Variants in LDLRAP1 observed in about 807,000 individuals in gnomAD.
LDLRAP1 encodes low density lipoprotein receptor adapter protein 1.
In LDLRAP1, 30 loss-of-function variants were observed where a neutral mutation model predicts 37.8. The observed-to-expected ratio is 0.79, with a 90% CI of 0.59 to 1.08. LDLRAP1 has a LOEUF of 1.08. LDLRAP1 is among the 50% of genes least tolerant of loss of function. The probability of loss-of-function intolerance (pLI) is 0.00; values close to 1 mark genes in which losing one functional copy is unlikely to be tolerated. For synonymous variants in LDLRAP1, 156 were observed against 169.8 expected, an observed-to-expected ratio of 0.92 and a Z score of 0.63; for missense variants, 375 against 401.6, an observed-to-expected ratio of 0.93 and a Z score of 0.57.
chr1:25,560,827 G>A (rs2044325701), intron 4 of LDLRAP1, among the ~76,000 whole-genome samples: 1 of 152,232 alleles, frequency 6.6e-6, no homozygotes, highest in Admixed American at 6.5e-5. Context: ...GGAGGGGTGG[G>A]CATCCCGCCT....
intron 1 of LDLRAP1, chr1:25,549,948 A>C (rs1477230042): frequency 6.6e-6 from 1 of 152,476 alleles, no homozygotes; most frequent in East Asian, 1.9e-4. Context: ...CATGGGGTAC[A>C]AGGGAGAAAC....
At chr1:25,556,484 C>G (rs2124671901) in intron 3 of LDLRAP1, among the ~76,000 whole-genome samples, 1 of 152,322 alleles carries the variant, frequency 6.6e-6, no homozygotes, top group South Asian at 2.1e-4. Context: ...TCACCCCTGG[C>G]CACAGCTCCA....
the LDLRAP1 span, among the ~76,000 whole-genome samples, chr1:25,581,201 G>T: frequency 6.6e-6 from 1 of 152,184 alleles, no homozygotes; most frequent in East Asian, 1.9e-4. Flanking sequence ...GCATTCTGTC[G>T]TGATGCTTGC....
chr1:25,562,615 C>A, intron 4 of LDLRAP1, 29 bp from the exon 5 acceptor site: 1 of 1,602,870 alleles, frequency 6.2e-7, no homozygotes, highest in Non-Finnish European at 8.5e-7. Flanking sequence ...GACACTGCAC[C>A]CCTCCCCATC....
rs752581862 is a variant in LDLRAP1 at position 25,567,019 on chromosome 1, G to A, written c.*27G>A. 86 of 1,612,792 alleles carry A rather than the reference G, an allele frequency of 5.3e-5. No individual in the cohort carries two copies. The highest frequency in any genetic ancestry group is 1.7e-4 in the Middle Eastern group (1 of 6,058). Reference sequence around the variant, plus strand: ...GGCCCGGGGCCAGCCGGACACAAGCGGCCCTGACACGTGATGGACCAAAGC... The same window carrying A: ...GGCCCGGGGCCAGCCGGACACAAGCAGCCCTGACACGTGATGGACCAAAGC... On this transcript the variant is annotated 3_prime_UTR_variant, in exon 9 of 9. Coordinates refer to ENST00000374338, the MANE Select transcript of LDLRAP1 (RefSeq NM_015627.3).
the LDLRAP1 span, among the ~76,000 whole-genome samples, chr1:25,582,451 G>A: frequency 6.6e-6 from 1 of 151,844 alleles, no homozygotes; most frequent in East Asian, 1.9e-4. Context: ...TGGGCATGGT[G>A]GCATGCACCT....
At chr1:25,563,175 G>A in intron 6 of LDLRAP1, 22 bp downstream of exon 6, 2 of 1,609,272 alleles carry the variant, frequency 1.2e-6, no homozygotes, top group Non-Finnish European at 1.7e-6. Context: ...CGGGGAAGGG[G>A]GATTGGCCAT....
chr1:25,563,933 G>T (rs141333724), intron 7 of LDLRAP1, 142 bp downstream of exon 7: 1 of 1,014,640 alleles, frequency 9.9e-7, no homozygotes, highest in Non-Finnish European at 1.5e-6. Flanking sequence ...GTGCCCAGGC[G>T]CAGGATAGGG....
chr1:25,585,399 C>G, the LDLRAP1 span, among the ~76,000 whole-genome samples: 3 of 151,718 alleles, frequency 2.0e-5, no homozygotes, highest in Admixed American at 6.6e-5. Flanking sequence ...GACCTCGGCT[C>G]ACTGCAAGCT....
Position 25,549,485 on chromosome 1 carries a change from A to G in LDLRAP1, c.89-4437A>G, listed in dbSNP as rs78007955. ...TCCCGGGTGGTTGGGGGACCTTAAC[A>G]AGGAAAGAACACGTGTTCACAGCTG... On this transcript the variant is annotated intron_variant, in intron 1 of 8. Coordinates refer to ENST00000374338, the MANE Select transcript of LDLRAP1 (RefSeq NM_015627.3). Among the ~76,000 whole-genome samples, 126 of 152,340 alleles carry G rather than the reference A, an allele frequency of 8.3e-4. No homozygotes were observed. In the East Asian group the frequency reaches 0.021, roughly 25 times the overall value.
At chr1:25,556,254 C>T (rs575107951) in intron 3 of LDLRAP1, among the ~76,000 whole-genome samples, 4 of 152,218 alleles carry the variant, frequency 2.6e-5, no homozygotes, top group Admixed American at 6.5e-5. Flanking sequence ...GGCCCCTCCC[C>T]GATTGAGACT....
At chr1:25,589,449 T>C in the LDLRAP1 span, among the ~76,000 whole-genome samples, 1 of 152,210 alleles carries the variant, frequency 6.6e-6, no homozygotes. Context: ...AAACCCATTA[T>C]CATTATGGGT....
At chr1:25,547,340 G>T (rs932521143) in intron 1 of LDLRAP1, among the ~76,000 whole-genome samples, 7 of 151,988 alleles carry the variant, frequency 4.6e-5, no homozygotes, top group Non-Finnish European at 7.4e-5. Flanking sequence ...AAAATTAGCT[G>T]GGTGGGGTGG....
At chr1:25,545,705 C>G (rs535607861) in intron 1 of LDLRAP1, among the ~76,000 whole-genome samples, 1 of 152,162 alleles carries the variant, frequency 6.6e-6, no homozygotes. Flanking sequence ...GAGGGCAGGC[C>G]GAGCCCCACC....
intron 6 of LDLRAP1, 123 bp from the exon 7 acceptor site, chr1:25,563,538 C>A: frequency 7.4e-7 from 1 of 1,355,286 alleles, no homozygotes; most frequent in Non-Finnish European, 1.0e-6. Context: ...CAGGGCCGGG[C>A]TCTGCTGGGA....
chr1:25,557,329 G>T lies in LDLRAP1; in HGVS notation c.459+62G>T, dbSNP rs74060931. On this transcript the variant is annotated intron_variant, in intron 4 of 8. Transcript: ENST00000374338. ...TGGCCTTGGCAGCCTTGCTCTGGGT[G>T]GGGGGCTGTCTGGTGTGGGAGGCAG... The T allele has an allele frequency of 3.9e-4, 519 of 1,337,200 alleles. 4 individuals are homozygous for T. The African/African-American group carries it at 6.6e-3, about 17-fold the overall frequency. 82.8% of individuals were successfully genotyped at this position (1,337,200 alleles called of 1,614,324 possible).
intron 1 of LDLRAP1, among the ~76,000 whole-genome samples, chr1:25,547,562 C>T (rs1204276357): frequency 6.6e-6 from 1 of 151,968 alleles, no homozygotes; most frequent in Non-Finnish European, 1.5e-5. Context: ...GGAGCTTAAC[C>T]CCGCTGTGGG....
intron 4 of LDLRAP1, among the ~76,000 whole-genome samples, chr1:25,561,083 T>G (rs145950642): frequency 6.6e-6 from 1 of 152,394 alleles, no homozygotes; most frequent in African/African-American, 2.4e-5. Context: ...GTCTCCAGAT[T>G]TCCAGCAGGC....
At chr1:25,563,245 C>G in intron 6 of LDLRAP1, 92 bp downstream of exon 6, 2 of 1,017,750 alleles carry the variant, frequency 2.0e-6, no homozygotes, top group Non-Finnish European at 3.0e-6. Flanking sequence ...CTGGGAGAGC[C>G]TCTTGGTTTT....
Sources: allele counts gnomAD v4.1 joint callset (sites outside exome capture counted in the v4.1 genomes callset), GRCh38; gene constraint gnomAD v4.1.1; transcripts MANE v1.5; gene names NCBI Gene and HGNC (gene_info 2026-07-23, HGNC 2026-07-21).